The following TRPC5 variants were observed in gnomAD, a reference collection of about 807,000 sequenced individuals.
TRPC5 encodes the protein transient receptor potential cation channel subfamily C member 5, also known as short transient receptor potential channel 5.
In TRPC5, 9 loss-of-function variants were observed where a neutral mutation model predicts 56.5. The observed-to-expected ratio is 0.16, with a 90% CI of 0.10 to 0.28. The LOEUF (loss-of-function observed/expected upper bound fraction) is 0.28, where lower values mean the gene tolerates loss of function less well. TRPC5 is among the 10% of genes least tolerant of loss of function. The probability of loss-of-function intolerance (pLI) is 1.00; values close to 1 mark genes in which losing one functional copy is unlikely to be tolerated. For synonymous variants in TRPC5, 282 were observed against 278.5 expected, an observed-to-expected ratio of 1.01 and a Z score of -0.13; for missense variants, 469 against 748.9, an observed-to-expected ratio of 0.63 and a Z score of 4.36.
intron 2 of TRPC5, among the ~76,000 whole-genome samples, chrX:111,949,732 C>G (rs1389440606): frequency 9.0e-6 from 1 of 111,553 alleles, no homozygotes; most frequent in Non-Finnish European, 1.9e-5. Flanking sequence ...GGGAACACTT[C>G]TATGCTGCTG....
intron 1 of TRPC5, among the ~76,000 whole-genome samples, chrX:111,955,207 C>G (rs1032402634): frequency 8.9e-6 from 1 of 112,174 alleles, no homozygotes; most frequent in Non-Finnish European, 1.9e-5. Flanking sequence ...CCAGTGGGCT[C>G]TGTTGTAAGA....
At chrX:111,791,366 A>G (rs996459841) in intron 7 of TRPC5, among the ~76,000 whole-genome samples, 1 of 111,892 alleles carries the variant, frequency 8.9e-6, no homozygotes, top group Non-Finnish European at 1.9e-5. Flanking sequence ...CATGGGCCCA[A>G]GCTGCTGTCA....
chrX:111,811,526 G>A (rs1158972182), intron 7 of TRPC5, among the ~76,000 whole-genome samples: 1 of 112,303 alleles, frequency 8.9e-6, no homozygotes, highest in Non-Finnish European at 1.9e-5. Context: ...GGATGCAGAG[G>A]AGGATAGGAG....
intron 1 of TRPC5, among the ~76,000 whole-genome samples, chrX:112,065,493 G>A (rs1469255356): frequency 9.0e-6 from 1 of 111,520 alleles, no homozygotes; most frequent in Non-Finnish European, 1.9e-5. Context: ...TCAAACCTCC[G>A]TTTTCTGGTC....
intron 2 of TRPC5, among the ~76,000 whole-genome samples, chrX:111,945,420 G>T (rs1039482104): frequency 9.1e-6 from 1 of 110,120 alleles, no homozygotes; most frequent in Middle Eastern, 4.2e-3. Context: ...TAGGTAGTGG[G>T]CCAAGAGGGT....
chrX:111,867,949 T>A (rs1211810728), intron 3 of TRPC5, among the ~76,000 whole-genome samples: 2 of 112,433 alleles, frequency 1.8e-5, no homozygotes, highest in African/African-American at 6.5e-5. Flanking sequence ...TGGATACTTT[T>A]AAAAGCAGTT....
At chrX:112,007,300 G>A (rs1325026501) in intron 1 of TRPC5, among the ~76,000 whole-genome samples, 1 of 111,808 alleles carries the variant, frequency 8.9e-6, no homozygotes, top group Non-Finnish European at 1.9e-5. Flanking sequence ...TGCATACTTG[G>A]TGTTTAGATG....
At chrX:112,052,926 G>A (rs1271972476) in intron 1 of TRPC5, among the ~76,000 whole-genome samples, 6 of 111,760 alleles carry the variant, frequency 5.4e-5, no homozygotes, top group Middle Eastern at 4.6e-3. Flanking sequence ...GGCCATATAA[G>A]TGATTCTGGG....
At chrX:112,042,750 T>C (rs1285747792) in intron 1 of TRPC5, among the ~76,000 whole-genome samples, 1 of 111,270 alleles carries the variant, frequency 9.0e-6, no homozygotes, top group African/African-American at 3.3e-5. Flanking sequence ...TGAAAAGTAT[T>C]ATAAACTGAT....
chrX:111,999,595 T>C (rs1928643262), intron 1 of TRPC5, among the ~76,000 whole-genome samples: 1 of 112,315 alleles, frequency 8.9e-6, no homozygotes, highest in Non-Finnish European at 1.9e-5. Context: ...GCAGTATCTA[T>C]TTGATATACT....
chrX:111,974,401 G>A (rs1472683306), intron 1 of TRPC5, among the ~76,000 whole-genome samples: 1 of 110,741 alleles, frequency 9.0e-6, no homozygotes, highest in Non-Finnish European at 1.9e-5. Context: ...AGGTATTAAG[G>A]AGAACATTAA....
chrX:111,944,277 T>TGTGTGTGTGA (rs1926861963), intron 2 of TRPC5, among the ~76,000 whole-genome samples: 1 of 76,293 alleles, frequency 1.3e-5, no homozygotes, highest in Non-Finnish European at 2.3e-5. Context: ...AGTGTGTGTG[T>TGTGTGTGTGA]GTGTGTGTGT....
At chrX:112,054,889 C>T (rs1049073096) in intron 1 of TRPC5, among the ~76,000 whole-genome samples, 1 of 111,014 alleles carries the variant, frequency 9.0e-6, no homozygotes, top group Non-Finnish European at 1.9e-5. Context: ...TGTAATGTCT[C>T]CTGTAGTTAC....
chrX:112,066,958 C>T (rs942922365), intron 1 of TRPC5, among the ~76,000 whole-genome samples: 4 of 111,938 alleles, frequency 3.6e-5, no homozygotes, highest in African/African-American at 1.3e-4. Flanking sequence ...GTGAGAATGG[C>T]CTTTCAGGGT....
chrX:112,059,906 G>T (rs973831398), intron 1 of TRPC5, among the ~76,000 whole-genome samples: 1 of 111,896 alleles, frequency 8.9e-6, no homozygotes, highest in Non-Finnish European at 1.9e-5. Flanking sequence ...ATGAGAAAAT[G>T]GATTTGTACT....
intron 3 of TRPC5, among the ~76,000 whole-genome samples, chrX:111,894,512 A>G (rs933985779): frequency 5.4e-5 from 6 of 111,718 alleles, no homozygotes; most frequent in Admixed American, 9.5e-5. Context: ...TCTTGTATCA[A>G]TTAAAAACTC....
chrX:111,867,280 A>G (rs2033962837), intron 3 of TRPC5, among the ~76,000 whole-genome samples: 1 of 112,077 alleles, frequency 8.9e-6, no homozygotes, highest in Admixed American at 9.4e-5. Context: ...AGGACAGAAT[A>G]AAGGACAGTC....
Position 111,839,353 on chromosome X carries a change from C to T in TRPC5, c.1701-4237G>A, listed in dbSNP as rs770487639. Among the ~76,000 whole-genome samples, 3 of 111,955 alleles carry T rather than the reference C, an allele frequency of 2.7e-5. No homozygotes were observed. The East Asian group carries it at 8.4e-4, about 31-fold the overall frequency. Reference sequence around the variant, plus strand: ...CCTTGTTCCATAAATGCACAAATCACACTGTAGAGGCAATAGAGGAGAGTG... The same window carrying T: ...CCTTGTTCCATAAATGCACAAATCATACTGTAGAGGCAATAGAGGAGAGTG... On this transcript the variant is annotated intron_variant, in intron 6 of 10. Transcript: ENST00000262839.
At chrX:112,060,796 C>T (rs533795489) in intron 1 of TRPC5, among the ~76,000 whole-genome samples, 1 of 112,563 alleles carries the variant, frequency 8.9e-6, no homozygotes, top group South Asian at 3.7e-4. Context: ...ATCAACAGAA[C>T]CTAGTTGGAA....
Sources: gnomAD v4.1 joint callset for allele counts (sites outside exome capture counted in the v4.1 genomes callset) on GRCh38, gnomAD v4.1.1 for gene constraint, MANE v1.5 for transcripts, NCBI Gene and HGNC (gene_info 2026-07-23, HGNC 2026-07-21) for gene names.